The following NTNG1 variants were observed in gnomAD, a reference collection of about 807,000 sequenced individuals.
NTNG1 encodes netrin G1.
NTNG1 carries 16 observed loss-of-function variants against 54.0 expected under a neutral mutation model. The ratio of observed to expected loss-of-function variants is 0.30; its 90% CI spans 0.20 to 0.45. The LOEUF is 0.45. NTNG1 is among the 20% of genes least tolerant of loss of function. NTNG1 has a pLI of 1.00. For synonymous variants in NTNG1, 255 were observed against 263.1 expected, an observed-to-expected ratio of 0.97 and a Z score of 0.30; for missense variants, 530 against 678.7, an observed-to-expected ratio of 0.78 and a Z score of 2.43.
intron 3 of NTNG1, among the ~76,000 whole-genome samples, chr1:107,338,883 AG>A (rs1668745970): frequency 1.3e-5 from 2 of 150,110 alleles, no homozygotes; most frequent in South Asian, 2.1e-4. Context: ...AAAAAAAAAA[AG>A]GAAATAGGAT....
At chr1:107,300,731 C>G (rs1666265327) in intron 2 of NTNG1, among the ~76,000 whole-genome samples, 1 of 152,074 alleles carries the variant, frequency 6.6e-6, no homozygotes, top group African/African-American at 2.4e-5. Flanking sequence ...GTATTTATGT[C>G]TCCAGAATTT....
intron 2 of NTNG1, among the ~76,000 whole-genome samples, chr1:107,279,955 G>A (rs1664723198): frequency 6.6e-6 from 1 of 151,864 alleles, no homozygotes; most frequent in African/African-American, 2.4e-5. Context: ...ACACCACCAT[G>A]TTTGGCTTTC....
chr1:107,466,445 C>T (rs1285479387), intron 7 of NTNG1, among the ~76,000 whole-genome samples: 2 of 152,170 alleles, frequency 1.3e-5, no homozygotes, highest in Admixed American at 1.3e-4. Flanking sequence ...AAGAAGAAAG[C>T]AGTCAAAATT....
chr1:107,369,933 G>A lies in NTNG1; in HGVS notation c.888-25221G>A, dbSNP rs76037713. ...AAGCGATGAAGGTATGAATAGTTCA[G>A]TTATTATATGAATATCTAATTGTTT... On this transcript the variant is annotated intron_variant, in intron 3 of 7. Coordinates refer to ENST00000370068, the MANE Select transcript of NTNG1 (RefSeq NM_001113226.3). Among the ~76,000 whole-genome samples the A allele has an allele frequency of 9.8e-3, 1,499 of 152,220 alleles. 35 individuals carry two copies. Among genetic ancestry groups the A allele is most frequent in the African/African-American group, 0.035 (1,438 of 41,566 alleles).
chr1:107,209,605 C>T (rs1212903599), intron 2 of NTNG1, among the ~76,000 whole-genome samples: 1 of 152,098 alleles, frequency 6.6e-6, no homozygotes, highest in Non-Finnish European at 1.5e-5. Context: ...CCTCATCCTC[C>T]CTCCCACATT....
chr1:107,158,591 T>C (rs1160541419), intron 2 of NTNG1, among the ~76,000 whole-genome samples: 2 of 152,158 alleles, frequency 1.3e-5, no homozygotes, highest in East Asian at 1.9e-4. Context: ...TTTTTCACCG[T>C]CATATGTGGC....
chr1:107,394,555 C>A (rs139199818), intron 3 of NTNG1, among the ~76,000 whole-genome samples: 4 of 152,224 alleles, frequency 2.6e-5, no homozygotes, highest in South Asian at 2.1e-4. Context: ...GTCTCACCCC[C>A]CTTCGGGTCT....
intron 3 of NTNG1, among the ~76,000 whole-genome samples, chr1:107,328,070 T>C (rs915551733): frequency 6.6e-6 from 1 of 152,148 alleles, no homozygotes; most frequent in African/African-American, 2.4e-5. Context: ...TTTTGCCACA[T>C]ACTTATTTTG....
chr1:107,432,513 AT>A (rs1260451253), intron 6 of NTNG1, among the ~76,000 whole-genome samples: 2 of 152,210 alleles, frequency 1.3e-5, no homozygotes, highest in Admixed American at 1.3e-4. Flanking sequence ...CAGAAGTTCA[AT>A]TGTCTTCATA....
chr1:107,427,125 A>G lies in NTNG1; in HGVS notation c.1088-3625A>G, dbSNP rs186611117. ...AGGTATATGATCATGTTGTCAGCAA[A>G]CAGAGATAATTTGATTTCCTCTTTT... On this transcript the variant is annotated intron_variant, in intron 5 of 7. Transcript: ENST00000370068. Among the ~76,000 whole-genome samples the G allele has an allele frequency of 2.6e-5, 4 of 152,234 alleles. No homozygotes were observed. In the East Asian group the frequency reaches 7.7e-4, roughly 29 times the overall value.
chr1:107,380,787 C>T (rs771492615), intron 3 of NTNG1, among the ~76,000 whole-genome samples: 1 of 152,214 alleles, frequency 6.6e-6, no homozygotes. Flanking sequence ...ATACCCTGAC[C>T]ATCCCCTGCT....
At chr1:107,368,342 A>G (rs536580607) in intron 3 of NTNG1, among the ~76,000 whole-genome samples, 1 of 151,982 alleles carries the variant, frequency 6.6e-6, no homozygotes, top group African/African-American at 2.4e-5. Flanking sequence ...AAAAAAAAAC[A>G]TTGGTGGCAG....
chr1:107,141,299 G>T (rs1653664315), intron 1 of NTNG1, 159 bp downstream of exon 1: 1 of 150,678 alleles, frequency 6.6e-6, no homozygotes, highest in South Asian at 2.1e-4. Flanking sequence ...CTCCCGCCTG[G>T]GGAGGAGGCT....
At chr1:107,203,148 A>C (rs1227832657) in intron 2 of NTNG1, among the ~76,000 whole-genome samples, 1 of 151,802 alleles carries the variant, frequency 6.6e-6, no homozygotes, top group Non-Finnish European at 1.5e-5. Flanking sequence ...TTTGTTTTTC[A>C]GGTAATTGAA....
chr1:107,266,685 C>T (rs930871648), intron 2 of NTNG1, among the ~76,000 whole-genome samples: 2 of 149,984 alleles, frequency 1.3e-5, no homozygotes, highest in African/African-American at 2.5e-5. Flanking sequence ...ATTTAACTCT[C>T]TAAGGTGAGA....
At chr1:107,169,079 A>G (rs556611337) in intron 2 of NTNG1, among the ~76,000 whole-genome samples, 36 of 152,304 alleles carry the variant, frequency 2.4e-4, no homozygotes, top group Admixed American at 2.1e-3. Context: ...TCTTGAATTT[A>G]TAGATTTTAC....
chr1:107,370,158 T>C (rs1161684299), intron 3 of NTNG1, among the ~76,000 whole-genome samples: 2 of 151,856 alleles, frequency 1.3e-5, no homozygotes, highest in Non-Finnish European at 2.9e-5. Flanking sequence ...ATCTTTCAGC[T>C]TTGTTCTTTG....
intron 2 of NTNG1, among the ~76,000 whole-genome samples, chr1:107,209,483 G>A (rs1659455037): frequency 1.3e-5 from 2 of 152,182 alleles, no homozygotes; most frequent in Admixed American, 1.3e-4. Context: ...TAAGGTAAGA[G>A]AAGTCTTCTT....
At chr1:107,175,468 T>G (rs1656576106) in intron 2 of NTNG1, among the ~76,000 whole-genome samples, 1 of 152,102 alleles carries the variant, frequency 6.6e-6, no homozygotes, top group African/African-American at 2.4e-5. Flanking sequence ...TTAAGTGGGG[T>G]TTTCAGGACT....
Sources: allele counts gnomAD v4.1 joint callset (sites outside exome capture counted in the v4.1 genomes callset), GRCh38; gene constraint gnomAD v4.1.1; transcripts MANE v1.5; gene names NCBI Gene and HGNC (gene_info 2026-07-23, HGNC 2026-07-21).